Variants in ATP8A2 observed in about 807,000 individuals in gnomAD.
ATP8A2 encodes phospholipid-transporting ATPase IB.
Under a neutral mutation model 165.6 loss-of-function variants are expected in ATP8A2, and 100 were observed. The ratio of observed to expected loss-of-function variants is 0.60; its 90% confidence interval spans 0.51 to 0.71. The LOEUF is 0.71. Ranked by LOEUF, ATP8A2 falls within the 30% of genes least tolerant of loss-of-function variation. The pLI, the probability that ATP8A2 is intolerant of heterozygous loss-of-function variation, is 0.00. For missense variants in ATP8A2, 1,227 were observed against 1,479.5 expected, an observed-to-expected ratio of 0.83 and a Z score of 2.80; for synonymous variants, 543 against 548.8, an observed-to-expected ratio of 0.99 and a Z score of 0.15.
chr13:25,987,528 G>A (rs1180252612), intron 35 of ATP8A2, among the ~76,000 whole-genome samples: 1 of 152,208 alleles, frequency 6.6e-6, no homozygotes, highest in African/African-American at 2.4e-5. Flanking sequence ...CTGCACTGAA[G>A]CAATGAAGAA....
chr13:25,879,538 C>T (rs907254960), intron 33 of ATP8A2, among the ~76,000 whole-genome samples: 1 of 152,212 alleles, frequency 6.6e-6, no homozygotes, highest in Admixed American at 6.5e-5. Flanking sequence ...ACCACCTGAT[C>T]AAGACCCAAC....
chr13:25,513,710 C>T (rs1220096137), intron 2 of ATP8A2, among the ~76,000 whole-genome samples: 22 of 152,144 alleles, frequency 1.4e-4, no homozygotes, highest in Non-Finnish European at 2.2e-4. Flanking sequence ...ATCCCGGCAC[C>T]TCGGGAGGCC....
intron 24 of ATP8A2, among the ~76,000 whole-genome samples, chr13:25,643,234 G>A (rs1247120381): frequency 6.6e-6 from 1 of 152,004 alleles, no homozygotes. Flanking sequence ...AAAGAATATT[G>A]TGATCCTCTG....
At chr13:25,479,287 T>G (rs925984439) in intron 2 of ATP8A2, among the ~76,000 whole-genome samples, 10 of 152,354 alleles carry the variant, frequency 6.6e-5, no homozygotes, top group African/African-American at 2.2e-4. Context: ...AAGTACATAT[T>G]GTTCACAGTC....
intron 1 of ATP8A2, among the ~76,000 whole-genome samples, chr13:25,373,871 C>T (rs948673799): frequency 2.0e-5 from 3 of 152,154 alleles, no homozygotes; most frequent in African/African-American, 7.2e-5. Context: ...TCGGCAGGAC[C>T]GGCTCCAAGA....
chr13:25,734,895 T>A (rs1481715911), intron 25 of ATP8A2, among the ~76,000 whole-genome samples: 1 of 152,114 alleles, frequency 6.6e-6, no homozygotes, highest in East Asian at 1.9e-4. Context: ...TGCCTCGGCC[T>A]CCCAAAGTGC....
chr13:25,606,572 T>C (rs1373650812), intron 24 of ATP8A2, among the ~76,000 whole-genome samples: 1 of 152,182 alleles, frequency 6.6e-6, no homozygotes, highest in Non-Finnish European at 1.5e-5. Flanking sequence ...ATAAGCCTAC[T>C]GGAAAGTATT....
At chr13:25,509,914 A>C (rs937530445) in intron 2 of ATP8A2, among the ~76,000 whole-genome samples, 2 of 152,212 alleles carry the variant, frequency 1.3e-5, no homozygotes, top group Non-Finnish European at 1.5e-5. Context: ...GATTATTATT[A>C]GATAATTTAT....
intron 2 of ATP8A2, among the ~76,000 whole-genome samples, chr13:25,496,362 C>T (rs1481061898): frequency 2.6e-5 from 4 of 152,078 alleles, no homozygotes; most frequent in Non-Finnish European, 4.4e-5. Context: ...TTTCCTATTG[C>T]GTCTGGCTTA....
At chr13:25,638,860 G>A (rs1045895441) in intron 24 of ATP8A2, among the ~76,000 whole-genome samples, 12 of 152,218 alleles carry the variant, frequency 7.9e-5, no homozygotes, top group Admixed American at 3.3e-4. Flanking sequence ...CAGAGAGAAC[G>A]GTCGGGTTAC....
In ATP8A2 at chr13:26,010,674, ACTC is replaced by A. The variant is rs1956826450; in HGVS notation, c.3378-1851_3378-1849del. Among the ~76,000 whole-genome samples, 3 of 151,822 alleles carry A rather than the reference ACTC, an allele frequency of 2.0e-5. No individual in the cohort carries two copies. In the South Asian group the frequency reaches 6.2e-4, roughly 32 times the overall value. ...ACAGAGGGACAGGTGCCACGGGCTC[ACTC>A]CTCCTGTGTTTGCACAACCATGCCT... On this transcript the variant is annotated intron_variant, in intron 35 of 36. Transcript: ENST00000381655.
chr13:26,018,500 A>T (rs1188405869), intron 36 of ATP8A2, among the ~76,000 whole-genome samples: 1 of 152,182 alleles, frequency 6.6e-6, no homozygotes, highest in African/African-American at 2.4e-5. Flanking sequence ...AGCTCCCCTG[A>T]TAAGTTGTAC....
chr13:25,506,940 C>CATATATATATGTATAT (rs2037057007), intron 2 of ATP8A2, among the ~76,000 whole-genome samples: 1 of 128,712 alleles, frequency 7.8e-6, no homozygotes. Flanking sequence ...CAGTACAGTA[C>CATATATATATGTATAT]ATATATATAT....
chr13:25,806,668 A>G (rs1950746793), intron 27 of ATP8A2, among the ~76,000 whole-genome samples: 1 of 152,158 alleles, frequency 6.6e-6, no homozygotes, highest in South Asian at 2.1e-4. Flanking sequence ...GTATAGAAAT[A>G]GGTATTCAGT....
chr13:25,468,383 G>A (rs1179838558), intron 1 of ATP8A2, among the ~76,000 whole-genome samples: 1 of 152,194 alleles, frequency 6.6e-6, no homozygotes, highest in African/African-American at 2.4e-5. Flanking sequence ...AGACAATGGT[G>A]GGAGCGAGCT....
At chr13:25,582,069 G>A in intron 23 of ATP8A2, 112 bp downstream of exon 23, 1 of 1,099,256 alleles carries the variant, frequency 9.1e-7, no homozygotes, top group African/African-American at 1.6e-5. Flanking sequence ...ATGTTTTATA[G>A]GAATCTTCAT....
chr13:25,698,555 A>G (rs895810021), intron 24 of ATP8A2, among the ~76,000 whole-genome samples: 1 of 152,078 alleles, frequency 6.6e-6, no homozygotes, highest in African/African-American at 2.4e-5. Context: ...TAAATCTAAA[A>G]AATGTTATTG....
At chr13:25,602,825 A>G (rs1018791104) in intron 24 of ATP8A2, among the ~76,000 whole-genome samples, 2 of 152,180 alleles carry the variant, frequency 1.3e-5, no homozygotes, top group Admixed American at 6.5e-5. Context: ...TAATCCCAGC[A>G]CTTTGGGAGG....
At chr13:25,655,750 A>C (rs2041914547) in intron 24 of ATP8A2, among the ~76,000 whole-genome samples, 1 of 151,990 alleles carries the variant, frequency 6.6e-6, no homozygotes, top group East Asian at 1.9e-4. Context: ...AAAGCAAAAA[A>C]CCCGAAAGTA....
Sources: allele counts gnomAD v4.1 joint callset (sites outside exome capture counted in the v4.1 genomes callset), GRCh38; gene constraint gnomAD v4.1.1; transcripts MANE v1.5; gene names NCBI Gene and HGNC (gene_info 2026-07-23, HGNC 2026-07-21).